The following MICAL3 variants were observed in gnomAD, a reference collection of about 807,000 sequenced individuals.
MICAL3 encodes the protein microtubule associated monooxygenase, calponin and LIM domain containing 3.
A neutral mutation model predicts 207.4 loss-of-function variants in MICAL3; 62 were observed. The ratio of observed to expected loss-of-function variants is 0.30; its 90% CI spans 0.24 to 0.37. MICAL3 has a LOEUF of 0.37. Ranked by LOEUF, MICAL3 falls within the 10% of genes least tolerant of loss-of-function variation. The probability of loss-of-function intolerance (pLI) is 1.00; values close to 1 mark genes in which losing one functional copy is unlikely to be tolerated. For missense variants in MICAL3, 2,368 were observed against 2,635.6 expected, an observed-to-expected ratio of 0.90 and a Z score of 2.22; for synonymous variants, 1,077 against 1,069.3, an observed-to-expected ratio of 1.01 and a Z score of -0.14.
At chr22:17,899,210 C>A in intron 7 of MICAL3, 1 of 560,706 alleles carries the variant, frequency 1.8e-6, no homozygotes, top group South Asian at 1.8e-5. Flanking sequence ...ACTGTGAAAG[C>A]TGGACGGTAG....
At chr22:18,020,300 C>G (rs1164035002) in intron 1 of MICAL3, 2 of 151,928 alleles carry the variant, frequency 1.3e-5, no homozygotes, top group Non-Finnish European at 2.9e-5. Context: ...TTTTCCTTCT[C>G]TTAACCTGAA....
At chr22:17,927,168 A>AAT (rs1778177998) in intron 1 of MICAL3, among the ~76,000 whole-genome samples, 1 of 152,174 alleles carries the variant, frequency 6.6e-6, no homozygotes, top group Admixed American at 6.5e-5. Flanking sequence ...ACCTCATATA[A>AAT]GTAGAATCAT....
In MICAL3 at chr22:18,001,880, G is replaced by A. The variant is rs534648651; in HGVS notation, c.-75+22401C>T. 6.6e-5 allele frequency among the ~76,000 whole-genome samples: 10 copies of A among 152,300 alleles called. No individual in the cohort carries two copies. In the South Asian group the frequency reaches 2.1e-3, roughly 32 times the overall value. The stretch of plus-strand genomic sequence containing the variant: ...GGTGGGCATATCAAAGCCTGCCCCC[G>A]GAGAGAAGAGAGGATGTATTTAAAG... On this transcript the variant is annotated intron_variant, in intron 1 of 31. Coordinates refer to ENST00000441493, the MANE Select transcript of MICAL3 (RefSeq NM_015241.3).
intron 16 of MICAL3, among the ~76,000 whole-genome samples, chr22:17,874,721 T>C (rs1026305323): frequency 6.6e-6 from 1 of 152,004 alleles, no homozygotes; most frequent in Non-Finnish European, 1.5e-5. Flanking sequence ...ACACCATACG[T>C]GTGCATATGC....
At chr22:17,852,707 C>G (rs1925465918) in intron 19 of MICAL3, among the ~76,000 whole-genome samples, 1 of 152,180 alleles carries the variant, frequency 6.6e-6, no homozygotes, top group Non-Finnish European at 1.5e-5. Flanking sequence ...ACGCATAAAC[C>G]CTTGCTCTGC....
chr22:17,849,106 G>C (rs1298180937), intron 19 of MICAL3, among the ~76,000 whole-genome samples: 3 of 152,350 alleles, frequency 2.0e-5, no homozygotes, highest in African/African-American at 7.2e-5. Context: ...TTTCTTGCTT[G>C]TGAAGCAGGC....
At chr22:18,018,883 AT>A (rs1255964738) in intron 1 of MICAL3, among the ~76,000 whole-genome samples, 1 of 151,936 alleles carries the variant, frequency 6.6e-6, no homozygotes, top group Admixed American at 6.6e-5. Flanking sequence ...GGTATTTTCT[AT>A]TCTTTCTTTT....
intron 1 of MICAL3, among the ~76,000 whole-genome samples, chr22:17,947,778 A>G (rs1421266336): frequency 1.3e-5 from 2 of 152,188 alleles, no homozygotes; most frequent in Non-Finnish European, 2.9e-5. Flanking sequence ...TATGTCACCC[A>G]GGTGAAACTT....
chr22:17,812,466 A>G, intron 27 of MICAL3: 1 of 976,196 alleles, frequency 1.0e-6, no homozygotes, highest in Non-Finnish European at 1.2e-6. Context: ...AATCACAGAC[A>G]TGCATGCAAC....
In MICAL3 at chr22:17,902,486, T is replaced by G; in HGVS notation, c.589+145A>C. ...CATGTGCGCCTGCGACATCTAAGGC[T>G]GCATCCAGGCCAAGTCCCCAAAGGC... On this transcript the variant is annotated intron_variant, in intron 4 of 31. Transcript: ENST00000441493. The surrounding 1 kb of genome is among the most constrained non-coding windows in gnomAD (Gnocchi z 4.5). 1.8e-6 allele frequency: 1 copy of G among 559,848 alleles called. No individual in the cohort carries two copies. The allele number at this position is 559,848 out of a possible 1,614,324, so 34.7% of individuals were successfully genotyped here. A position where few individuals can be genotyped will look rare whatever the true frequency, so the allele number is the denominator to read the frequency against.
chr22:17,818,659 G>C lies in MICAL3; in HGVS notation c.4002C>G (p.Ile1334Met), dbSNP rs1293348931. 2 of 1,613,664 alleles carry C rather than the reference G, an allele frequency of 1.2e-6. No individual in the cohort carries two copies. Among genetic ancestry groups the C allele is most frequent in the Admixed American group, 1.7e-5 (1 of 60,030 alleles). The change falls in exon 26 of 32, where the codon ATC becomes ATG. Residue 1334 changes from isoleucine to methionine, a missense_variant. This residue lies in a region of MICAL3 where 1,770 missense variants were observed against 1,863.2 expected (regional missense o/e 0.95). Transcript: ENST00000441493. ...VEEFWMKSAE[I>M]RRSLGLTPVD... Reference sequence around the variant, plus strand: ...CAGGTGTGAGCCCGAGGCTGCGGCGGATCTCCGCACTCTTCATCCAGAACT... The same window carrying C: ...CAGGTGTGAGCCCGAGGCTGCGGCGCATCTCCGCACTCTTCATCCAGAACT...
intron 1 of MICAL3, among the ~76,000 whole-genome samples, chr22:18,019,009 T>C (rs773224792): frequency 3.9e-5 from 6 of 152,048 alleles, no homozygotes; most frequent in Admixed American, 6.5e-5. Flanking sequence ...CTGGAGAACA[T>C]GGCGAAACCC....
chr22:17,953,448 G>A (rs193009496), intron 1 of MICAL3, among the ~76,000 whole-genome samples: 5 of 152,102 alleles, frequency 3.3e-5, no homozygotes, highest in East Asian at 1.9e-4. Context: ...GATGGGACAC[G>A]ATCTGTACAG....
chr22:17,918,919 G>A (rs372546071), intron 1 of MICAL3, among the ~76,000 whole-genome samples: 3 of 152,292 alleles, frequency 2.0e-5, no homozygotes, highest in Non-Finnish European at 4.4e-5. Flanking sequence ...TCCAGGGCAC[G>A]AGCCTTCTAA....
intron 1 of MICAL3, among the ~76,000 whole-genome samples, chr22:17,932,014 T>C (rs1418680025): frequency 6.6e-6 from 1 of 152,176 alleles, no homozygotes; most frequent in Non-Finnish European, 1.5e-5. Flanking sequence ...AATAAACAAG[T>C]AAGCAAGGAA....
At chr22:18,014,470 C>T (rs978056295) in intron 1 of MICAL3, among the ~76,000 whole-genome samples, 11 of 152,122 alleles carry the variant, frequency 7.2e-5, no homozygotes, top group African/African-American at 2.7e-4. Flanking sequence ...TTACCTTCTT[C>T]CCCTTCCCTG....
At position 17,790,577 on chromosome 22, in the gene MICAL3, C is replaced by A; in HGVS notation, c.*155G>T. The A allele has an allele frequency of 1.5e-6, 1 of 680,426 alleles. No homozygotes were observed. Among genetic ancestry groups the A allele is most frequent in the South Asian group, 1.9e-5 (1 of 51,756 alleles). 42.1% of individuals were successfully genotyped at this position (680,426 alleles called of 1,614,324 possible). A position where few individuals can be genotyped will look rare whatever the true frequency, so the allele number is the denominator to read the frequency against. The stretch of plus-strand genomic sequence containing the variant: ...CACTGTCACCTGGGGCTCCCCACTG[C>A]ACGCGGGACTCGACCACTTTCCAAG... On this transcript the variant is annotated 3_prime_UTR_variant, in exon 32 of 32. Transcript: ENST00000441493.
chr22:17,847,810 C>A (rs1465453634), intron 19 of MICAL3, among the ~76,000 whole-genome samples: 1 of 152,194 alleles, frequency 6.6e-6, no homozygotes, highest in East Asian at 1.9e-4. Context: ...CAACTAACAT[C>A]ATTTTAGCTT....
chr22:18,010,716 C>T (rs183026072), intron 1 of MICAL3, among the ~76,000 whole-genome samples: 3 of 152,142 alleles, frequency 2.0e-5, no homozygotes, highest in East Asian at 1.9e-4. Context: ...ACCTCACTGC[C>T]GGGAGGTGGA....
Sources: allele counts gnomAD v4.1 joint callset (sites outside exome capture counted in the v4.1 genomes callset), GRCh38; gene constraint gnomAD v4.1.1; regional missense constraint gnomAD v4.1.1; non-coding constraint Gnocchi (gnomAD v3.1); transcripts MANE v1.5; gene names NCBI Gene and HGNC (gene_info 2026-07-23, HGNC 2026-07-21).